The following FSTL4 variants were observed in gnomAD, a reference collection of about 807,000 sequenced individuals.
FSTL4 encodes follistatin-related protein 4.
A neutral mutation model predicts 78.2 loss-of-function variants in FSTL4; 28 were observed. The ratio of observed to expected loss-of-function variants is 0.36; its 90% CI spans 0.27 to 0.49. The LOEUF (loss-of-function observed/expected upper bound fraction) is 0.49. Ranked by LOEUF, FSTL4 falls within the 20% of genes least tolerant of loss-of-function variation. FSTL4 has a pLI of 0.98. For missense variants in FSTL4, 922 were observed against 1,084.9 expected (o/e 0.85, Z 2.11); for synonymous variants, 422 against 440.5 (o/e 0.96, Z 0.53).
Position 133,249,455 on chromosome 5 carries a change from C to T in FSTL4, c.849G>A (p.Lys283=). ...GGAAGTTCAGGGTGAGCCCGTTGCG[C>T]TTCCAGATGATTGGTGGCCTCAGGT... ...HGDLRPPIIW[K]RNGLTLNFLD... The change falls in exon 7 of 16, where the codon AAG becomes AAA. Residue 283 remains lysine (K), a synonymous_variant. Transcript: ENST00000265342. The T allele has an allele frequency of 1.2e-6, 2 of 1,614,048 alleles. No individual in the cohort carries two copies. Among genetic ancestry groups the T allele is most frequent in the Non-Finnish European group, 1.7e-6 (2 of 1,179,916 alleles).
chr5:133,340,515 ATGT>A (rs1754556809), intron 4 of FSTL4, among the ~76,000 whole-genome samples: 1 of 152,138 alleles, frequency 6.6e-6, no homozygotes, highest in Non-Finnish European at 1.5e-5. Flanking sequence ...CCACTTCAAA[ATGT>A]TGTAATAACC....
At chr5:133,223,234 G>C (rs1019462248) in intron 11 of FSTL4, among the ~76,000 whole-genome samples, 4 of 152,264 alleles carry the variant, frequency 2.6e-5, no homozygotes, top group African/African-American at 9.6e-5. Context: ...ATTGACAGCA[G>C]TTCCTCGTTT....
the FSTL4 span, among the ~76,000 whole-genome samples, chr5:133,633,833 C>A: frequency 6.6e-6 from 1 of 151,732 alleles, no homozygotes; most frequent in Non-Finnish European, 1.5e-5. Context: ...AGCCCAAGTT[C>A]AATACTTAGT....
intron 3 of FSTL4, among the ~76,000 whole-genome samples, chr5:133,552,680 T>C (rs1052793992): frequency 6.6e-6 from 1 of 152,156 alleles, no homozygotes; most frequent in East Asian, 1.9e-4. Context: ...AGACCTGTCA[T>C]ATGAAACAAA....
At chr5:133,721,929 T>A in the FSTL4 span, among the ~76,000 whole-genome samples, 6 of 152,344 alleles carry the variant, frequency 3.9e-5, no homozygotes, top group African/African-American at 1.4e-4. Context: ...GTTTGCTTAA[T>A]GGTATCTCAT....
intron 3 of FSTL4, among the ~76,000 whole-genome samples, chr5:133,451,429 C>G (rs1430023040): frequency 1.3e-5 from 2 of 152,038 alleles, no homozygotes; most frequent in Non-Finnish European, 2.9e-5. Context: ...GGCATGGTGG[C>G]AGGCACCTGT....
At chr5:133,320,272 G>A (rs1169173881) in intron 4 of FSTL4, among the ~76,000 whole-genome samples, 2 of 152,092 alleles carry the variant, frequency 1.3e-5, no homozygotes, top group Non-Finnish European at 2.9e-5. Flanking sequence ...TCCTAGCAAG[G>A]TGTGTCAAAG....
At chr5:133,631,369 A>G in the FSTL4 span, among the ~76,000 whole-genome samples, 1 of 152,200 alleles carries the variant, frequency 6.6e-6, no homozygotes, top group African/African-American at 2.4e-5. Context: ...AAAAGAGGAC[A>G]TTTATGCGGC....
chr5:133,527,189 C>T (rs1237258937), intron 3 of FSTL4, among the ~76,000 whole-genome samples: 1 of 152,130 alleles, frequency 6.6e-6, no homozygotes, highest in Non-Finnish European at 1.5e-5. Context: ...GGAAAATTAT[C>T]CTTTATTTTG....
the FSTL4 span, among the ~76,000 whole-genome samples, chr5:133,806,651 G>A: frequency 1.6e-4 from 25 of 152,282 alleles, no homozygotes; most frequent in East Asian, 4.2e-3. Context: ...TGAGCTCGAC[G>A]TTCAGGGGCC....
In FSTL4 at chr5:133,612,135, C is replaced by T. The variant is rs1389788656; in HGVS notation, c.-11+190G>A. Among the ~76,000 whole-genome samples, 1 of 152,004 alleles carries T rather than the reference C, an allele frequency of 6.6e-6. No homozygotes were observed. The highest frequency in any genetic ancestry group is 1.5e-5 in the Non-Finnish European group (1 of 67,968). On this transcript the variant is annotated intron_variant, in intron 1 of 15. Transcript: ENST00000265342. This position sits in a 1 kb window ranked among gnomAD's most constrained non-coding sequence, Gnocchi z 6.2. ...CCCTGCCGAGCCCTGGCCCAGCGGTCCCTTCCCCGCGGGCAAACTTGGCTT... is the reference window on the plus strand; with the variant it reads ...CCCTGCCGAGCCCTGGCCCAGCGGTTCCTTCCCCGCGGGCAAACTTGGCTT...
At chr5:133,834,790 T>C in the FSTL4 span, among the ~76,000 whole-genome samples, 1 of 152,104 alleles carries the variant, frequency 6.6e-6, no homozygotes, top group African/African-American at 2.4e-5. Context: ...TTTTTCTAAG[T>C]TAGCTATCAA....
chr5:133,661,677 A>G, the FSTL4 span, among the ~76,000 whole-genome samples: 1 of 152,220 alleles, frequency 6.6e-6, no homozygotes, highest in African/African-American at 2.4e-5. Context: ...AAAGTATGAA[A>G]AGTGGTTTCC....
chr5:133,206,208 G>A (rs1750496850), intron 14 of FSTL4, among the ~76,000 whole-genome samples: 1 of 151,892 alleles, frequency 6.6e-6, no homozygotes, highest in Admixed American at 6.6e-5. Flanking sequence ...ATTTTTCTAT[G>A]GTAGATTTTT....
the FSTL4 span, among the ~76,000 whole-genome samples, chr5:133,788,765 CT>C: frequency 2.0e-5 from 3 of 152,312 alleles, no homozygotes; most frequent in Non-Finnish European, 4.4e-5. Context: ...AACCTTTACT[CT>C]GAAATTTGCC....
chr5:133,622,921 T>A, the FSTL4 span, among the ~76,000 whole-genome samples: 1 of 152,162 alleles, frequency 6.6e-6, no homozygotes, highest in African/African-American at 2.4e-5. Context: ...GTCAGACTTA[T>A]CATTTTTTCC....
chr5:133,503,685 A>C (rs1170854170), intron 3 of FSTL4, among the ~76,000 whole-genome samples: 1 of 152,202 alleles, frequency 6.6e-6, no homozygotes, highest in Non-Finnish European at 1.5e-5. Context: ...GATGACTCCC[A>C]AATCTCCATA....
chr5:133,616,149 T>C (rs1331896136), upstream of FSTL4, among the ~76,000 whole-genome samples: 1 of 152,170 alleles, frequency 6.6e-6, no homozygotes. Flanking sequence ...CAAACTATCA[T>C]ACCCTACTGA....
At chr5:133,439,164 T>G (rs1469851503) in intron 3 of FSTL4, among the ~76,000 whole-genome samples, 1 of 152,204 alleles carries the variant, frequency 6.6e-6, no homozygotes, top group East Asian at 1.9e-4. Context: ...CTAAGCAGTT[T>G]GGGCCACCTG....
Sources: gnomAD v4.1 joint callset for allele counts (sites outside exome capture counted in the v4.1 genomes callset) on GRCh38, gnomAD v4.1.1 for gene constraint, Gnocchi (gnomAD v3.1) non-coding constraint, MANE v1.5 for transcripts, NCBI Gene and HGNC (gene_info 2026-07-23, HGNC 2026-07-21) for gene names.